TRIM66: variants seen among roughly 807,000 people sequenced by gnomAD.
TRIM66 encodes tripartite motif-containing protein 66.
A neutral mutation model predicts 148.2 loss-of-function variants in TRIM66; 99 were observed. The ratio of observed to expected loss-of-function variants is 0.67; its 90% CI spans 0.57 to 0.79. The LOEUF (loss-of-function observed/expected upper bound fraction) is 0.79. Among genes scored for constraint, TRIM66 ranks in the 30% least tolerant of loss-of-function variants. The pLI is 0.00. For synonymous variants in TRIM66, 616 were observed against 635.9 expected (o/e 0.97, Z 0.47); for missense variants, 1,666 against 1,697.9 (o/e 0.98, Z 0.33).
chr11:8,677,512 G>A (rs2039230948), intron 3 of TRIM66, among the ~76,000 whole-genome samples: 1 of 152,072 alleles, frequency 6.6e-6, no homozygotes, highest in Admixed American at 6.5e-5. Context: ...GGGCGTGATG[G>A]TCATGCCTGT....
chr11:8,668,978 C>G (rs898470927), intron 6 of TRIM66, among the ~76,000 whole-genome samples: 1 of 152,150 alleles, frequency 6.6e-6, no homozygotes, highest in Admixed American at 6.5e-5. Flanking sequence ...CTGCCACATT[C>G]CAGTGGTTAA....
At chr11:8,639,473 T>C (rs2036179974) in intron 14 of TRIM66, among the ~76,000 whole-genome samples, 1 of 152,128 alleles carries the variant, frequency 6.6e-6, no homozygotes. Context: ...AACTGTCTTT[T>C]AGCTGAGAAA....
intron 4 of TRIM66, among the ~76,000 whole-genome samples, chr11:8,673,386 G>A (rs2039035579): frequency 6.6e-6 from 1 of 152,142 alleles, no homozygotes; most frequent in Admixed American, 6.5e-5. Context: ...TATGATTTTG[G>A]GGGTAGTGTT....
chr11:8,643,056 C>T lies in TRIM66; in HGVS notation c.1175G>A (p.Arg392Lys). ...CCAGAAGTTAGGCTCCCAGGTGAATCTGATACTCCAAGGGGAGCCAGGATC... is the reference window on the plus strand; with the variant it reads ...CCAGAAGTTAGGCTCCCAGGTGAATTTGATACTCCAAGGGGAGCCAGGATC... ...NTDPGSPWSIRFTWEPNFWTK... is the reference protein window; with the variant it reads ...NTDPGSPWSIKFTWEPNFWTK... Residue 392 changes from arginine (R) to lysine (K), a missense_variant, in exon 13 of 25, where the codon AGA becomes AAA. Arg to Lys is a conservative substitution (Grantham distance 26, BLOSUM62 2). This residue lies in a region of TRIM66 where 1,431 missense variants were observed against 1,412.4 expected (regional missense o/e 1.01). Coordinates refer to ENST00000646038, the MANE Select transcript of TRIM66 (RefSeq NM_001388022.1). 6.4e-7 allele frequency: 1 copy of T among 1,551,426 alleles called. No individual in the cohort carries two copies. The highest frequency in any genetic ancestry group is 1.7e-4 in the Middle Eastern group (1 of 5,990).
In TRIM66 at chr11:8,672,123, T is replaced by G. The variant is rs1422086757; in HGVS notation, c.28-25A>C. On this transcript the variant is annotated intron_variant, in intron 5 of 24. Transcript: ENST00000646038. ...CCTGTAAGTGAAGCACAAAGCAGAGTGATCTACTTATTTTGAGCAGAAAAA... is the reference window on the plus strand; with the variant it reads ...CCTGTAAGTGAAGCACAAAGCAGAGGGATCTACTTATTTTGAGCAGAAAAA... The G allele has an allele frequency of 9.2e-6, 14 of 1,528,372 alleles. No homozygotes were observed. In the South Asian group the frequency reaches 1.2e-4, roughly 13 times the overall value. 94.7% of individuals were successfully genotyped at this position (1,528,372 alleles called of 1,614,324 possible). A position where few individuals can be genotyped will look rare whatever the true frequency, so the allele number is the denominator to read the frequency against.
At chr11:8,671,604 A>G in intron 6 of TRIM66, 182 bp downstream of exon 6, 1 of 582,714 alleles carries the variant, frequency 1.7e-6, no homozygotes, top group Non-Finnish European at 3.1e-6. Context: ...TACAAAACAG[A>G]TATATTAGGC....
rs1400545008 is a variant in TRIM66 at position 8,645,687 on chromosome 11, G to GGATGCTCT, written c.1104+46_1104+53dup. The GGATGCTCT allele has an allele frequency of 2.6e-6, 4 of 1,546,406 alleles. No homozygotes were observed. In the African/African-American group the frequency reaches 5.5e-5, roughly 21 times the overall value. ...TGCCTCATTGCCCCTCTGACAAAGG[G>GGATGCTCT]GATGCTCTGATAAGCTTCAAGGACA... On this transcript the variant is annotated intron_variant, in intron 12 of 24. Transcript: ENST00000646038.
At chr11:8,645,522 G>C (rs1342178963) in intron 12 of TRIM66, among the ~76,000 whole-genome samples, 1 of 152,206 alleles carries the variant, frequency 6.6e-6, no homozygotes, top group Non-Finnish European at 1.5e-5. Context: ...TTCAGCACCT[G>C]TGTCCTCTTT....
chr11:8,650,870 A>T (rs1170022363), intron 7 of TRIM66, among the ~76,000 whole-genome samples: 1 of 152,220 alleles, frequency 6.6e-6, no homozygotes, highest in South Asian at 2.1e-4. Context: ...GAGAGGAGAA[A>T]GCCCACATAT....
At position 8,621,120 on chromosome 11, in the gene TRIM66, G is replaced by C. The variant is rs768835331; in HGVS notation, c.3457C>G (p.Leu1153Val). Residue 1153 changes from leucine to valine, a missense_variant, in exon 20 of 25, where the codon CTC becomes GTC. Physicochemically the swap from Leu to Val is conservative, Grantham distance 32 (BLOSUM62 1). Around this residue, in one of 3 missense-constraint regions of TRIM66, gnomAD observed 1,431 missense variants for 1,412.4 expected, o/e 1.01. Transcript: ENST00000646038. ...IENEDFCAVC[L>V]NGGELLCCDR... ...CAGCACAGTAACTCTCCGCCATTGA[G>C]GCAAACAGCACAGAAGTCCTCATTC... 2.6e-6 allele frequency: 4 copies of C among 1,551,620 alleles called. No individual in the cohort carries two copies. The highest frequency in any genetic ancestry group is 3.5e-6 in the Non-Finnish European group (4 of 1,147,008).
chr11:8,631,783 G>A (rs909315625), intron 15 of TRIM66, among the ~76,000 whole-genome samples: 1 of 152,152 alleles, frequency 6.6e-6, no homozygotes, highest in Admixed American at 6.5e-5. Context: ...CAAGAACACC[G>A]GCTAGATACC....
At chr11:8,676,248 T>C (rs1355381575) in intron 3 of TRIM66, among the ~76,000 whole-genome samples, 1 of 151,960 alleles carries the variant, frequency 6.6e-6, no homozygotes, top group Non-Finnish European at 1.5e-5. Flanking sequence ...TTTTTTTTTT[T>C]AACCGGCAGA....
At chr11:8,625,951 T>C (rs1340550230) in intron 15 of TRIM66, among the ~76,000 whole-genome samples, 2 of 152,214 alleles carry the variant, frequency 1.3e-5, no homozygotes, top group Non-Finnish European at 1.5e-5. Context: ...GCCAAAGATA[T>C]TCCAAACCAG....
chr11:8,645,454 C>G (rs2036763897), intron 12 of TRIM66, among the ~76,000 whole-genome samples: 1 of 152,162 alleles, frequency 6.6e-6, no homozygotes, highest in Non-Finnish European at 1.5e-5. Flanking sequence ...AATCAATTAC[C>G]TATGACAAAG....
At chr11:8,642,150 A>T (rs1027477376) in intron 13 of TRIM66, among the ~76,000 whole-genome samples, 1 of 151,610 alleles carries the variant, frequency 6.6e-6, no homozygotes, top group Non-Finnish European at 1.5e-5. Context: ...CAGTCTAATG[A>T]CTCCTTCCTC....
intron 15 of TRIM66, among the ~76,000 whole-genome samples, chr11:8,634,165 A>T (rs2035667649): frequency 6.6e-6 from 1 of 152,136 alleles, no homozygotes. Flanking sequence ...CTTTGACTCC[A>T]TGAGAGCTTT....
intron 6 of TRIM66, among the ~76,000 whole-genome samples, chr11:8,664,213 A>G (rs2038442282): frequency 1.3e-5 from 2 of 152,240 alleles, no homozygotes; most frequent in African/African-American, 4.8e-5. Flanking sequence ...ACGTATCTAT[A>G]CTTCAAAACA....
chr11:8,621,963 G>T, intron 18 of TRIM66, 144 bp from the exon 19 acceptor site: 1 of 897,574 alleles, frequency 1.1e-6, no homozygotes, highest in Non-Finnish European at 1.6e-6. Context: ...TTTATCCTGG[G>T]TGTGTCTGTG....
At chr11:8,664,093 T>C (rs1445994207) in intron 6 of TRIM66, among the ~76,000 whole-genome samples, 2 of 152,168 alleles carry the variant, frequency 1.3e-5, no homozygotes, top group South Asian at 2.1e-4. Flanking sequence ...TAATAATATA[T>C]TGTATTCTTG....
Sources: allele counts gnomAD v4.1 joint callset (sites outside exome capture counted in the v4.1 genomes callset), GRCh38; gene constraint gnomAD v4.1.1; regional missense constraint gnomAD v4.1.1; transcripts MANE v1.5; gene names NCBI Gene and HGNC (gene_info 2026-07-23, HGNC 2026-07-21).